AGBL1: variants seen among roughly 807,000 people sequenced by gnomAD.
AGBL1 encodes the protein AGBL carboxypeptidase 1.
A neutral mutation model predicts 118.9 loss-of-function variants in AGBL1; 130 were observed. That is an observed-to-expected ratio of 1.09 (90% confidence interval 0.95 to 1.26). The LOEUF is 1.26. Ranked by LOEUF, AGBL1 falls within the 50% of genes most tolerant of loss-of-function variation. The pLI, the probability that AGBL1 is intolerant of heterozygous loss-of-function variation, is 0.00. For synonymous variants in AGBL1, 555 were observed against 478.9 expected (o/e 1.16, Z -2.08); for missense variants, 1,584 against 1,298.1 (o/e 1.22, Z -3.38).
intron 17 of AGBL1, among the ~76,000 whole-genome samples, chr15:86,358,805 CTGTT>C (rs1011739426): frequency 2.0e-5 from 3 of 151,952 alleles, no homozygotes; most frequent in African/African-American, 7.2e-5. Context: ...CACCTGTTGG[CTGTT>C]TGTACGTTTT....
At chr15:86,307,996 AC>A (rs1452043043) in intron 17 of AGBL1, among the ~76,000 whole-genome samples, 3 of 152,138 alleles carry the variant, frequency 2.0e-5, no homozygotes, top group Non-Finnish European at 2.9e-5. Flanking sequence ...TATTCTTTAT[AC>A]TTTTAAATCA....
intron 22 of AGBL1, among the ~76,000 whole-genome samples, chr15:86,741,596 C>T (rs1374193795): frequency 6.6e-6 from 1 of 151,782 alleles, no homozygotes; most frequent in Non-Finnish European, 1.5e-5. Flanking sequence ...GATGAAGTCT[C>T]TTGAAATTTA....
chr15:86,816,457 A>G (rs1176773239), intron 22 of AGBL1, among the ~76,000 whole-genome samples: 1 of 152,206 alleles, frequency 6.6e-6, no homozygotes, highest in Non-Finnish European at 1.5e-5. Context: ...GGTGACATCG[A>G]CACCAAAGAA....
At chr15:86,578,366 A>G (rs1193070302) in intron 21 of AGBL1, among the ~76,000 whole-genome samples, 1 of 152,182 alleles carries the variant, frequency 6.6e-6, no homozygotes, top group East Asian at 1.9e-4. Flanking sequence ...CTGTATCCCC[A>G]TTATATCTAG....
chr15:86,484,090 T>C (rs2082685270), intron 18 of AGBL1, among the ~76,000 whole-genome samples: 1 of 152,164 alleles, frequency 6.6e-6, no homozygotes, highest in African/African-American at 2.4e-5. Context: ...GCCATTCTTT[T>C]TCATCTGCCA....
rs1481117575 is a variant in AGBL1, at chr15:86,724,035, A to G, written c.3158+49599A>G. Among the ~76,000 whole-genome samples, 4 of 152,198 alleles carry G rather than the reference A, an allele frequency of 2.6e-5. No individual in the cohort carries two copies. In the East Asian group the frequency reaches 5.8e-4, roughly 22 times the overall value. ...CGGATCACGAGGTCAGGAGATCGAGACCATCCTGGCTAACATGGTGAAAAC... is the reference window on the plus strand; with the variant it reads ...CGGATCACGAGGTCAGGAGATCGAGGCCATCCTGGCTAACATGGTGAAAAC... On this transcript the variant is annotated intron_variant, in intron 22 of 22. Transcript: ENST00000614907.
chr15:86,445,039 G>A (rs1596123639), intron 18 of AGBL1, among the ~76,000 whole-genome samples: 1 of 152,316 alleles, frequency 6.6e-6, no homozygotes, highest in East Asian at 1.9e-4. Context: ...GTCTTTGCCT[G>A]TCTGAGTTGG....
chr15:86,191,904 TAA>T (rs556032879), intron 5 of AGBL1, among the ~76,000 whole-genome samples: 6 of 136,002 alleles, frequency 4.4e-5, no homozygotes, highest in Admixed American at 1.5e-4. Context: ...CCCTGTCTCT[TAA>T]AAAAAAAAAA....
intron 1 of AGBL1, among the ~76,000 whole-genome samples, chr15:86,132,993 T>C (rs1460035617): frequency 6.6e-6 from 1 of 152,188 alleles, no homozygotes; most frequent in Non-Finnish European, 1.5e-5. Context: ...ATTGAGCGTT[T>C]AGTGTGACCC....
chr15:86,729,234 T>C (rs535398241), intron 22 of AGBL1, among the ~76,000 whole-genome samples: 38 of 152,080 alleles, frequency 2.5e-4, no homozygotes, highest in Non-Finnish European at 3.7e-4. Flanking sequence ...AACTGAAAAA[T>C]AGCTCAAATG....
chr15:86,688,044 G>A (rs1453452153), intron 22 of AGBL1, among the ~76,000 whole-genome samples: 1 of 152,154 alleles, frequency 6.6e-6, no homozygotes, highest in Non-Finnish European at 1.5e-5. Context: ...GGCATGAAAT[G>A]AGAACAGAGT....
intron 5 of AGBL1, among the ~76,000 whole-genome samples, chr15:86,164,738 C>T (rs1184649087): frequency 6.6e-6 from 1 of 152,114 alleles, no homozygotes; most frequent in Non-Finnish European, 1.5e-5. Context: ...AGTATCATAG[C>T]CAATTGGAAA....
intron 18 of AGBL1, among the ~76,000 whole-genome samples, chr15:86,436,462 G>T (rs2142046769): frequency 6.6e-6 from 1 of 152,276 alleles, no homozygotes; most frequent in African/African-American, 2.4e-5. Context: ...TGTTCAGAAT[G>T]ATAGTCTTAT....
intron 23 of AGBL1, among the ~76,000 whole-genome samples, chr15:86,965,388 A>T (rs1464363467): frequency 6.6e-6 from 1 of 151,976 alleles, no homozygotes; most frequent in Non-Finnish European, 1.5e-5. Flanking sequence ...GCCAGTGATG[A>T]TGAACTTTTT....
intron 22 of AGBL1, among the ~76,000 whole-genome samples, chr15:86,776,880 G>A (rs2078264602): frequency 6.7e-6 from 1 of 150,324 alleles, no homozygotes. Flanking sequence ...ATTATTTTTT[G>A]CTAGTTTTAC....
intron 18 of AGBL1, among the ~76,000 whole-genome samples, chr15:86,424,159 G>T (rs370097589): frequency 2.6e-5 from 4 of 152,124 alleles, no homozygotes; most frequent in Non-Finnish European, 5.9e-5. Context: ...AACCAAAACA[G>T]CATGGTAATG....
chr15:86,421,147 A>G (rs1596093053), intron 18 of AGBL1, among the ~76,000 whole-genome samples: 1 of 152,176 alleles, frequency 6.6e-6, no homozygotes, highest in African/African-American at 2.4e-5. Context: ...GAGCAACCCT[A>G]AGACACATAA....
chr15:86,324,688 G>A (rs2080158005), intron 17 of AGBL1, among the ~76,000 whole-genome samples: 1 of 152,108 alleles, frequency 6.6e-6, no homozygotes, highest in South Asian at 2.1e-4. Context: ...TGTGATAGTA[G>A]CCATAACAAA....
chr15:86,475,832 G>A (rs1196130621), intron 18 of AGBL1, among the ~76,000 whole-genome samples: 1 of 152,170 alleles, frequency 6.6e-6, no homozygotes, highest in Non-Finnish European at 1.5e-5. Flanking sequence ...AAGAAAGGTC[G>A]GGTTACCCAC....
Sources: gnomAD v4.1 joint callset for allele counts (sites outside exome capture counted in the v4.1 genomes callset) on GRCh38, gnomAD v4.1.1 for gene constraint, MANE v1.5 for transcripts, NCBI Gene and HGNC (gene_info 2026-07-23, HGNC 2026-07-21) for gene names.